Variants in INPP4B observed in about 807,000 individuals in gnomAD.
The protein encoded by INPP4B is inositol polyphosphate-4-phosphatase type II B.
INPP4B carries 55 observed loss-of-function variants against 122.5 expected under a neutral mutation model. That is an observed-to-expected ratio of 0.45 (90% CI 0.36 to 0.56). The LOEUF (loss-of-function observed/expected upper bound fraction) is 0.56. Among genes scored for constraint, INPP4B ranks in the 20% least tolerant of loss-of-function variants. The pLI, the probability that INPP4B is intolerant of heterozygous loss-of-function variation, is 0.00. For missense variants in INPP4B, 1,000 were observed against 1,097.7 expected, an observed-to-expected ratio of 0.91 and a Z score of 1.26; for synonymous variants, 403 against 388.7, an observed-to-expected ratio of 1.04 and a Z score of -0.43.
intron 7 of INPP4B, among the ~76,000 whole-genome samples, chr4:142,343,347 G>A (rs929631849): frequency 2.0e-5 from 3 of 151,944 alleles, no homozygotes; most frequent in African/African-American, 7.2e-5. Flanking sequence ...CTAAGGGGTG[G>A]ATTTTGTATA....
intron 2 of INPP4B, among the ~76,000 whole-genome samples, chr4:142,592,353 A>G (rs954293053): frequency 6.6e-6 from 1 of 152,158 alleles, no homozygotes; most frequent in Non-Finnish European, 1.5e-5. Flanking sequence ...AAAAATAATA[A>G]TTAGCATTTA....
intron 16 of INPP4B, among the ~76,000 whole-genome samples, chr4:142,166,692 A>T (rs1464743931): frequency 6.6e-6 from 1 of 151,796 alleles, no homozygotes; most frequent in Non-Finnish European, 1.5e-5. Flanking sequence ...ACAAATTTAC[A>T]AGAAAAAAAA....
intron 2 of INPP4B, among the ~76,000 whole-genome samples, chr4:142,555,198 G>A (rs1324997229): frequency 2.0e-5 from 3 of 152,188 alleles, no homozygotes; most frequent in Non-Finnish European, 4.4e-5. Context: ...GTGGGAAATA[G>A]AACCTGCAGA....
intron 2 of INPP4B, among the ~76,000 whole-genome samples, chr4:142,466,946 T>C (rs1427006729): frequency 2.6e-5 from 4 of 152,202 alleles, no homozygotes; most frequent in African/African-American, 7.2e-5. Flanking sequence ...TGCTTCTACA[T>C]GGTGTTAAGC....
chr4:142,586,170 C>A (rs1294020067), intron 2 of INPP4B, among the ~76,000 whole-genome samples: 3 of 151,856 alleles, frequency 2.0e-5, no homozygotes, highest in Admixed American at 6.6e-5. Flanking sequence ...ATTAGCTGGG[C>A]ATAATGGCTT....
rs1037415182 is a variant in INPP4B at position 142,450,990 on chromosome 4, A to C, written c.-127+11673T>G. On this transcript the variant is annotated intron_variant, in intron 3 of 25. Coordinates refer to ENST00000262992, the MANE Select transcript of INPP4B (RefSeq NM_001101669.3). ...TAAAATTAACTCCCCCCCCCAAAAA[A>C]AGTATAACCTATCAATGTAGCATTT... Among the ~76,000 whole-genome samples the C allele has an allele frequency of 9.3e-5, 14 of 151,032 alleles. 1 individual carries two copies. The highest frequency in any genetic ancestry group is 4.2e-4 in the South Asian group (2 of 4,718).
chr4:142,354,388 A>G (rs1267403685), intron 7 of INPP4B, among the ~76,000 whole-genome samples: 3 of 152,018 alleles, frequency 2.0e-5, no homozygotes, highest in African/African-American at 7.2e-5. Context: ...ATGTAGGAAG[A>G]ACAGAATTTT....
rs1313831709 is a variant in INPP4B, at chr4:142,027,244, T to C, written c.*1538A>G. On this transcript the variant is annotated 3_prime_UTR_variant, in exon 26 of 26. Coordinates refer to ENST00000262992, the MANE Select transcript of INPP4B (RefSeq NM_001101669.3). ...TAGTATAAAAAGCTCCAAATGCTTA[T>C]CTAAAATTTGTAGTAATTTGAAAAA... 1 of 152,160 alleles carries C rather than the reference T, an allele frequency of 6.6e-6. No homozygotes were observed. Among genetic ancestry groups the C allele is most frequent in the African/African-American group, 2.4e-5 (1 of 41,448 alleles). The allele number at this position is 152,160 out of a possible 1,614,324, so 9.4% of individuals were successfully genotyped here.
intron 24 of INPP4B, among the ~76,000 whole-genome samples, chr4:142,084,487 A>C (rs2152539124): frequency 6.6e-6 from 1 of 152,350 alleles, no homozygotes; most frequent in Admixed American, 6.5e-5. Flanking sequence ...AATTTTTAAA[A>C]GAAAGGAAAA....
chr4:142,744,646 A>AC (rs1247416694), intron 1 of INPP4B, among the ~76,000 whole-genome samples: 1 of 151,818 alleles, frequency 6.6e-6, no homozygotes, highest in African/African-American at 2.4e-5. Context: ...TGCTGAAAAA[A>AC]TTTATTTGAG....
In INPP4B at chr4:142,106,545, A is replaced by G. The variant is rs1445351649; in HGVS notation, c.2374+1548T>C. Reference sequence around the variant, plus strand: ...TGAAGAGTTTAAGTTACTTGAATATAGAATTATTTTGTATTTCAACAGTAC... The same window carrying G: ...TGAAGAGTTTAAGTTACTTGAATATGGAATTATTTTGTATTTCAACAGTAC... On this transcript the variant is annotated intron_variant, in intron 23 of 25. Coordinates refer to ENST00000262992, the MANE Select transcript of INPP4B (RefSeq NM_001101669.3). 8.5e-5 allele frequency among the ~76,000 whole-genome samples: 13 copies of G among 152,328 alleles called. No homozygotes were observed. The South Asian group carries it at 2.5e-3, about 29-fold the overall frequency.
intron 5 of INPP4B, among the ~76,000 whole-genome samples, chr4:142,414,180 A>T (rs1463221291): frequency 6.6e-6 from 1 of 152,140 alleles, no homozygotes; most frequent in Non-Finnish European, 1.5e-5. Flanking sequence ...TTGGGAAATA[A>T]GCCCTGAAAT....
intron 12 of INPP4B, among the ~76,000 whole-genome samples, chr4:142,220,178 C>T (rs1050083187): frequency 2.0e-5 from 3 of 152,088 alleles, no homozygotes; most frequent in African/African-American, 7.2e-5. Flanking sequence ...AATTCAAATC[C>T]TGTTATCTTT....
chr4:142,354,034 A>G (rs1782784949), intron 7 of INPP4B, among the ~76,000 whole-genome samples: 1 of 152,008 alleles, frequency 6.6e-6, no homozygotes, highest in Non-Finnish European at 1.5e-5. Flanking sequence ...ATGCCGTTCA[A>G]GGTCACAGAG....
At chr4:142,256,882 G>GA (rs1736456069) in intron 11 of INPP4B, among the ~76,000 whole-genome samples, 2 of 151,884 alleles carry the variant, frequency 1.3e-5, no homozygotes, top group Non-Finnish European at 2.9e-5. Flanking sequence ...TGATACCAAA[G>GA]CTGGGCAGAG....
At chr4:142,547,338 C>T (rs1391943339) in intron 2 of INPP4B, among the ~76,000 whole-genome samples, 1 of 152,198 alleles carries the variant, frequency 6.6e-6, no homozygotes, top group East Asian at 1.9e-4. Context: ...AGAGCATGCC[C>T]TGACCCTCTC....
chr4:142,689,910 TA>T (rs1759918745), intron 2 of INPP4B, among the ~76,000 whole-genome samples: 1 of 152,200 alleles, frequency 6.6e-6, no homozygotes, highest in African/African-American at 2.4e-5. Flanking sequence ...TCATGCAATT[TA>T]AAAAGTCAAA....
At chr4:142,140,812 G>T (rs772372224) in intron 18 of INPP4B, among the ~76,000 whole-genome samples, 1 of 152,156 alleles carries the variant, frequency 6.6e-6, no homozygotes, top group Non-Finnish European at 1.5e-5. Context: ...ATTTAGCAAG[G>T]TTTATGGATA....
In INPP4B at chr4:142,704,151, A is replaced by C. The variant is rs573465089; in HGVS notation, c.-191+21688T>G. 4.6e-5 allele frequency among the ~76,000 whole-genome samples: 7 copies of C among 152,308 alleles called. No individual in the cohort carries two copies. The South Asian group carries it at 1.5e-3, about 32-fold the overall frequency. On this transcript the variant is annotated intron_variant, in intron 2 of 25. Transcript: ENST00000262992. ...AGGCCGGAATGAACAAACCACAGGA[A>C]CTTGTTCCAGAACATGTATGAAGAA...
Sources: allele counts gnomAD v4.1 joint callset (sites outside exome capture counted in the v4.1 genomes callset), GRCh38; gene constraint gnomAD v4.1.1; transcripts MANE v1.5; gene names NCBI Gene and HGNC (gene_info 2026-07-23, HGNC 2026-07-21).